ABI2: variants seen among roughly 807,000 people sequenced by gnomAD.
ABI2 encodes abelson interactor 2.
A neutral mutation model predicts 59.2 loss-of-function variants in ABI2; 25 were observed. That is an observed-to-expected ratio of 0.42 (90% CI 0.31 to 0.59). ABI2 has a LOEUF of 0.59. ABI2 is among the 20% of genes least tolerant of loss of function. The pLI, the probability that ABI2 is intolerant of heterozygous loss-of-function variation, is 0.14. For synonymous variants in ABI2, 213 were observed against 235.5 expected (o/e 0.90, Z 0.87); for missense variants, 545 against 681.8 (o/e 0.80, Z 2.23).
At chr2:203,330,056 T>C (rs1188667093) in intron 1 of ABI2, among the ~76,000 whole-genome samples, 2 of 152,126 alleles carry the variant, frequency 1.3e-5, no homozygotes, top group Non-Finnish European at 2.9e-5. Context: ...TAGGAAAGCA[T>C]TTTCATGTCT....
chr2:203,358,762 C>T (rs1193122980), intron 1 of ABI2, among the ~76,000 whole-genome samples: 3 of 152,150 alleles, frequency 2.0e-5, no homozygotes, highest in Non-Finnish European at 1.5e-5. Context: ...GTAATTCCAG[C>T]ACTTTGGGAG....
At chr2:203,341,569 C>A (rs1384252685) in intron 1 of ABI2, among the ~76,000 whole-genome samples, 1 of 151,936 alleles carries the variant, frequency 6.6e-6, no homozygotes, top group Non-Finnish European at 1.5e-5. Context: ...AAAAAAATTT[C>A]TCCGGGCTTG....
At chr2:203,402,334 C>T (rs2097258795) in intron 8 of ABI2, among the ~76,000 whole-genome samples, 1 of 152,114 alleles carries the variant, frequency 6.6e-6, no homozygotes, top group Admixed American at 6.5e-5. Context: ...TGCACCCGGC[C>T]CTAATTAGTA....
At chr2:203,365,779 G>A (rs879934323) in intron 1 of ABI2, among the ~76,000 whole-genome samples, 5 of 151,464 alleles carry the variant, frequency 3.3e-5, no homozygotes, top group African/African-American at 4.8e-5. Context: ...ACAGGCGCCC[G>A]CCACCATGCC....
intron 2 of ABI2, among the ~76,000 whole-genome samples, chr2:203,371,946 T>A (rs950677432): frequency 1.3e-5 from 2 of 151,980 alleles, no homozygotes; most frequent in African/African-American, 2.4e-5. Context: ...TATTTATTTT[T>A]AATTGATCAT....
chr2:203,398,507 G>A (rs2153423199), intron 8 of ABI2, among the ~76,000 whole-genome samples: 1 of 152,304 alleles, frequency 6.6e-6, no homozygotes, highest in East Asian at 1.9e-4. Flanking sequence ...AGGATAGTCT[G>A]TTTTATACAG....
rs541141122 is a variant in ABI2 at position 203,346,780 on chromosome 2, T to C, written c.117+18149T>C. On this transcript the variant is annotated intron_variant, in intron 1 of 11. Transcript: ENST00000261018. Reference sequence around the variant, plus strand: ...AGGAGAAAGAGCAGGGACAAAATAATAACCTGTGGCCAAAAGGAGGGGATG... The same window carrying C: ...AGGAGAAAGAGCAGGGACAAAATAACAACCTGTGGCCAAAAGGAGGGGATG... Among the ~76,000 whole-genome samples, 6 of 152,298 alleles carry C rather than the reference T, an allele frequency of 3.9e-5. No individual in the cohort carries two copies. The South Asian group carries it at 6.2e-4, about 16-fold the overall frequency.
intron 5 of ABI2, among the ~76,000 whole-genome samples, chr2:203,394,002 T>C (rs530815372): frequency 6.6e-6 from 1 of 152,240 alleles, no homozygotes; most frequent in Non-Finnish European, 1.5e-5. Context: ...GTTTGTATTT[T>C]ACAGTTCAAA....
chr2:203,355,470 C>T lies in ABI2; in HGVS notation c.118-11407C>T, dbSNP rs182308316. On this transcript the variant is annotated intron_variant, in intron 1 of 11. Coordinates refer to ENST00000261018, the MANE Select transcript of ABI2 (RefSeq NM_001375670.1). ...GAAGCTGCAGTGAGCTGTCATTGCACCACTGCACTCTAGCCTGGGCGACAG... is the reference window on the plus strand; with the variant it reads ...GAAGCTGCAGTGAGCTGTCATTGCATCACTGCACTCTAGCCTGGGCGACAG... 857 of 161,618 alleles carry T rather than the reference C, an allele frequency of 5.3e-3. 7 individuals are homozygous for T. Among genetic ancestry groups the T allele is most frequent in the Middle Eastern group, 0.012 (4 of 322 alleles). The allele number at this position is 161,618 out of a possible 1,614,324, so 10.0% of individuals were successfully genotyped here.
intron 8 of ABI2, among the ~76,000 whole-genome samples, chr2:203,402,146 C>G (rs1404469399): frequency 1.3e-5 from 2 of 152,046 alleles, no homozygotes; most frequent in African/African-American, 4.8e-5. Flanking sequence ...GTGATTCTTA[C>G]GCCTCAGCCT....
In ABI2 at chr2:203,430,106, C is replaced by A. The variant is rs2098470636; in HGVS notation, c.*2754C>A. 6.6e-6 allele frequency: 1 copy of A among 152,094 alleles called. No homozygotes were observed. 9.4% of individuals were successfully genotyped at this position (152,094 alleles called of 1,614,324 possible). On this transcript the variant is annotated 3_prime_UTR_variant, in exon 12 of 12. Coordinates refer to ENST00000261018, the MANE Select transcript of ABI2 (RefSeq NM_001375670.1). ...GATACTGTGTGATGGGTCAGGCACA[C>A]AGTAATTGGAGACTTTTAATGTATG...
intron 2 of ABI2, among the ~76,000 whole-genome samples, chr2:203,371,091 G>T (rs2095134770): frequency 6.6e-6 from 1 of 152,166 alleles, no homozygotes; most frequent in African/African-American, 2.4e-5. Context: ...TGTAAGGTAG[G>T]ACTGTTTAGA....
chr2:203,373,250 T>C (rs1035162742), intron 2 of ABI2, among the ~76,000 whole-genome samples: 44 of 152,270 alleles, frequency 2.9e-4, no homozygotes, highest in Non-Finnish European at 5.1e-4. Context: ...CACTCGCGGT[T>C]AGGAGCTGGA....
chr2:203,365,500 G>T (rs1048088204), intron 1 of ABI2, among the ~76,000 whole-genome samples: 17 of 151,772 alleles, frequency 1.1e-4, no homozygotes, highest in Non-Finnish European at 2.2e-4. Flanking sequence ...TAAAACTTCA[G>T]AGTGAAATAT....
Position 203,427,391 on chromosome 2 carries a change from G to A in ABI2, c.*39G>A, listed in dbSNP as rs755794220. On this transcript the variant is annotated 3_prime_UTR_variant, in exon 12 of 12. Coordinates refer to ENST00000261018, the MANE Select transcript of ABI2 (RefSeq NM_001375670.1). ...TGTGCTTGCCTCACAGGAATAGTCA[G>A]GTCTTCCCAGATTATCTGAAGGCCC... 5.1e-6 allele frequency: 8 copies of A among 1,558,030 alleles called. No individual in the cohort carries two copies. In the Admixed American group the frequency reaches 8.8e-5, roughly 17 times the overall value.
At chr2:203,399,397 G>GT (rs930798330) in intron 8 of ABI2, among the ~76,000 whole-genome samples, 3 of 151,534 alleles carry the variant, frequency 2.0e-5, no homozygotes, top group South Asian at 2.1e-4. Flanking sequence ...TTTTAATAGG[G>GT]TTTTTTTCCT....
At chr2:203,346,934 A>G (rs1480452026) in intron 1 of ABI2, among the ~76,000 whole-genome samples, 1 of 152,168 alleles carries the variant, frequency 6.6e-6, no homozygotes. Flanking sequence ...GCTATAGTGC[A>G]TTTTAAAATT....
chr2:203,403,427 C>T (rs1045667451), intron 9 of ABI2: 6 of 154,610 alleles, frequency 3.9e-5, no homozygotes, highest in African/African-American at 7.2e-5. Context: ...GTGTGAACAC[C>T]TCTCATACTG....
chr2:203,336,942 C>G (rs1180424026), intron 1 of ABI2, among the ~76,000 whole-genome samples: 1 of 152,102 alleles, frequency 6.6e-6, no homozygotes, highest in Non-Finnish European at 1.5e-5. Flanking sequence ...TCATCTTTGT[C>G]AGCATTTGGT....
Sources: gnomAD v4.1 joint callset for allele counts (sites outside exome capture counted in the v4.1 genomes callset) on GRCh38, gnomAD v4.1.1 for gene constraint, MANE v1.5 for transcripts, NCBI Gene and HGNC (gene_info 2026-07-23, HGNC 2026-07-21) for gene names.